Variants in B3GNT2 observed in about 807,000 individuals in gnomAD.
The protein encoded by B3GNT2 is N-acetyllactosaminide beta-1,3-N-acetylglucosaminyltransferase 2.
In B3GNT2, 12 loss-of-function variants were observed where a neutral mutation model predicts 27.6. The ratio of observed to expected loss-of-function variants is 0.44; its 90% CI spans 0.28 to 0.71. The LOEUF is 0.71. Among genes scored for constraint, B3GNT2 ranks in the 30% least tolerant of loss-of-function variants. The pLI is 0.17. For synonymous variants in B3GNT2, 192 were observed against 189.7 expected (o/e 1.01, Z -0.10); for missense variants, 413 against 488.5 (o/e 0.85, Z 1.46).
chr2:62,207,379 TTCA>T (rs1387724294), intron 1 of B3GNT2, among the ~76,000 whole-genome samples: 1 of 152,108 alleles, frequency 6.6e-6, no homozygotes, highest in East Asian at 1.9e-4. Context: ...GAGACGGGGT[TTCA>T]TCATTTGGTT....
chr2:62,209,345 TCTC>T (rs1674437649), intron 1 of B3GNT2, among the ~76,000 whole-genome samples: 8 of 152,122 alleles, frequency 5.3e-5, no homozygotes, highest in Admixed American at 5.2e-4. Flanking sequence ...TGTGCCTTGG[TCTC>T]CTCTGCTGTA....
intron 1 of B3GNT2, among the ~76,000 whole-genome samples, chr2:62,216,122 C>A (rs966170451): frequency 2.6e-5 from 4 of 152,174 alleles, no homozygotes; most frequent in Non-Finnish European, 5.9e-5. Context: ...TGGCCACATT[C>A]AAATGTTTTC....
Position 62,222,805 on chromosome 2 carries a change from A to T in B3GNT2, c.585A>T (p.Ser195=). The T allele has an allele frequency of 6.2e-7, 1 of 1,614,174 alleles. No homozygotes were observed. Among genetic ancestry groups the T allele is most frequent in the Non-Finnish European group, 8.5e-7 (1 of 1,180,030 alleles). The change falls in exon 2 of 2, where the codon TCA becomes TCT. Residue 195 remains serine, a synonymous_variant. Coordinates refer to ENST00000301998, the MANE Select transcript of B3GNT2 (RefSeq NM_006577.6). The surrounding 1 kb of genome is among the most constrained non-coding windows in gnomAD (Gnocchi z 4.2). ...CAGAGGACAACCACCCCGACCTTTC[A>T]GATATGCTGAAATTTGAGAGTGAGA... ...TPPEDNHPDL[S]DMLKFESEKH... is the part of the protein sequence containing the mutation.
At chr2:62,221,732 A>T (rs1674697336) in intron 1 of B3GNT2, 2 of 432,108 alleles carry the variant, frequency 4.6e-6, no homozygotes, top group Non-Finnish European at 9.0e-6. Context: ...CACACATGTA[A>T]ATAGAGTTTT....
intron 1 of B3GNT2, among the ~76,000 whole-genome samples, chr2:62,219,882 A>T (rs1320952180): frequency 6.6e-6 from 1 of 152,198 alleles, no homozygotes; most frequent in African/African-American, 2.4e-5. Flanking sequence ...AATCAAAGCC[A>T]TGTGCTGAGT....
chr2:62,207,290 C>G (rs1674393901), intron 1 of B3GNT2, among the ~76,000 whole-genome samples: 1 of 152,102 alleles, frequency 6.6e-6, no homozygotes, highest in South Asian at 2.1e-4. Context: ...AGCGATTCTT[C>G]TGTCTCAGCC....
intron 1 of B3GNT2, among the ~76,000 whole-genome samples, chr2:62,214,863 A>G (rs1674543276): frequency 6.6e-6 from 1 of 152,116 alleles, no homozygotes; most frequent in Admixed American, 6.5e-5. Context: ...GGACATCTCC[A>G]TCCTCAAACG....
At chr2:62,221,803 C>T (rs572622277) in intron 1 of B3GNT2, 15 of 514,342 alleles carry the variant, frequency 2.9e-5, no homozygotes, top group African/African-American at 1.5e-4. Flanking sequence ...TTAGGCAAAT[C>T]GGTTTGCCAA....
At chr2:62,202,559 GGA>G (rs147901682) in intron 1 of B3GNT2, among the ~76,000 whole-genome samples, 24 of 151,810 alleles carry the variant, frequency 1.6e-4, no homozygotes, top group African/African-American at 4.6e-4. Flanking sequence ...TGTGGTCAGG[GGA>G]GAGAGAGAGA....
intron 1 of B3GNT2, among the ~76,000 whole-genome samples, chr2:62,219,870 G>A (rs1558636817): frequency 1.3e-5 from 2 of 152,230 alleles, no homozygotes; most frequent in East Asian, 1.9e-4. Context: ...GGCTGTGGAT[G>A]CAATCAAAGC....
At chr2:62,201,830 A>G (rs996356420) in intron 1 of B3GNT2, among the ~76,000 whole-genome samples, 2 of 152,242 alleles carry the variant, frequency 1.3e-5, no homozygotes, top group African/African-American at 4.8e-5. Context: ...TAGGAAAAAC[A>G]TACTTCCAAT....
chr2:62,212,659 C>G lies in B3GNT2; in HGVS notation c.-9-9553C>G, dbSNP rs1051338604. ...TGTGGGGGATCTCTGGCCTAGGTAC[C>G]CAGGAGTTTTTCTGCCATCTATACT... On this transcript the variant is annotated intron_variant, in intron 1 of 1. Coordinates refer to ENST00000301998, the MANE Select transcript of B3GNT2 (RefSeq NM_006577.6). Among the ~76,000 whole-genome samples the G allele has an allele frequency of 3.3e-5, 5 of 151,598 alleles. 1 individual carries two copies. The highest frequency in any genetic ancestry group is 1.2e-4 in the African/African-American group (5 of 41,214).
At chr2:62,208,033 G>C (rs1674410386) in intron 1 of B3GNT2, among the ~76,000 whole-genome samples, 1 of 152,182 alleles carries the variant, frequency 6.6e-6, no homozygotes, top group African/African-American at 2.4e-5. Flanking sequence ...GATCTTATGA[G>C]TTTGAGAGGG....
chr2:62,203,594 C>T (rs1176765626), intron 1 of B3GNT2, among the ~76,000 whole-genome samples: 6 of 151,834 alleles, frequency 4.0e-5, no homozygotes, highest in East Asian at 1.9e-4. Context: ...GCAAGGACTG[C>T]GAAGATTCTA....
chr2:62,198,378 A>G (rs1385748885), intron 1 of B3GNT2, among the ~76,000 whole-genome samples: 1 of 152,224 alleles, frequency 6.6e-6, no homozygotes, highest in East Asian at 1.9e-4. Flanking sequence ...AACTCCTAGC[A>G]CTGCACCAGG....
intron 1 of B3GNT2, among the ~76,000 whole-genome samples, chr2:62,206,749 T>C (rs184383311): frequency 6.6e-6 from 1 of 152,318 alleles, no homozygotes; most frequent in Admixed American, 6.5e-5. Flanking sequence ...TTCTGCACTC[T>C]TTGTGCCTGC....
Position 62,222,677 on chromosome 2 carries a change from C to G in B3GNT2, c.457C>G (p.Pro153Ala), listed in dbSNP as rs772134926. ...FLLLAIKSLT[P>A]HFARRQAIRE... ...GTTGCTGGCGATTAAGTCCCTCACT[C>G]CACATTTTGCCAGAAGGCAAGCAAT... Residue 153 changes from proline to alanine, a missense_variant, in exon 2 of 2, where the codon CCA becomes GCA. Physicochemically the swap from Pro to Ala is conservative, Grantham distance 27. Transcript: ENST00000301998. The surrounding 1 kb of genome is among the most constrained non-coding windows in gnomAD (Gnocchi z 4.2). The G allele has an allele frequency of 1.2e-6, 2 of 1,614,242 alleles. No individual in the cohort carries two copies. Among genetic ancestry groups the G allele is most frequent in the Non-Finnish European group, 1.7e-6 (2 of 1,180,042 alleles).
At chr2:62,201,898 G>A (rs981297989) in intron 1 of B3GNT2, among the ~76,000 whole-genome samples, 4 of 152,144 alleles carry the variant, frequency 2.6e-5, no homozygotes, top group African/African-American at 9.7e-5. Context: ...AGCAGAGAAG[G>A]CAAGAGTCTT....
chr2:62,199,957 T>C (rs1445913888), intron 1 of B3GNT2, among the ~76,000 whole-genome samples: 1 of 152,238 alleles, frequency 6.6e-6, no homozygotes, highest in Non-Finnish European at 1.5e-5. Context: ...AAGGAGACTT[T>C]GCCAGGCTGG....
Sources: gnomAD v4.1 joint callset for allele counts (sites outside exome capture counted in the v4.1 genomes callset) on GRCh38, gnomAD v4.1.1 for gene constraint, Gnocchi (gnomAD v3.1) non-coding constraint, MANE v1.5 for transcripts, NCBI Gene and HGNC (gene_info 2026-07-23, HGNC 2026-07-21) for gene names.